JAZF1: variants seen among roughly 807,000 people sequenced by gnomAD.
The protein encoded by JAZF1 is JAZF zinc finger 1, also known as juxtaposed with another zinc finger protein 1.
Under a neutral mutation model 26.4 loss-of-function variants are expected in JAZF1, and 8 were observed. The observed-to-expected ratio is 0.30, with a 90% CI of 0.18 to 0.55. JAZF1 has a LOEUF of 0.55. Among genes scored for constraint, JAZF1 ranks in the 20% least tolerant of loss-of-function variants. The pLI, the probability that JAZF1 is intolerant of heterozygous loss-of-function variation, is 0.94. For missense variants in JAZF1, 199 were observed against 322.0 expected (o/e 0.62, Z 2.92); for synonymous variants, 126 against 122.3 (o/e 1.03, Z -0.20).
chr7:27,850,057 C>T (rs1257237459), intron 3 of JAZF1, among the ~76,000 whole-genome samples: 3 of 152,118 alleles, frequency 2.0e-5, no homozygotes, highest in Admixed American at 1.3e-4. Context: ...ACCCAATATG[C>T]CACATTTTTC....
rs955905646 is a variant in JAZF1 at position 28,009,719 on chromosome 7, G to A, written c.116-17738C>T. 3.9e-5 allele frequency among the ~76,000 whole-genome samples: 6 copies of A among 152,208 alleles called. No homozygotes were observed. The East Asian group carries it at 1.2e-3, about 29-fold the overall frequency. ...AGGCTGGTCTCGATCTCCTGACCTC[G>A]TGATCTGCCTGCCTCAGCCTCCCAA... On this transcript the variant is annotated intron_variant, in intron 1 of 4. Transcript: ENST00000283928.
chr7:28,041,780 T>G (rs1375632847), intron 1 of JAZF1, among the ~76,000 whole-genome samples: 1 of 152,234 alleles, frequency 6.6e-6, no homozygotes, highest in African/African-American at 2.4e-5. Flanking sequence ...GATACTCATC[T>G]TGAGTATCTC....
At chr7:27,896,515 C>T (rs1784065950) in intron 2 of JAZF1, among the ~76,000 whole-genome samples, 1 of 152,202 alleles carries the variant, frequency 6.6e-6, no homozygotes, top group Admixed American at 6.5e-5. Context: ...ACACCTCCCG[C>T]ATCAATTATA....
chr7:27,862,206 A>G (rs1783395790), intron 3 of JAZF1, among the ~76,000 whole-genome samples: 1 of 152,214 alleles, frequency 6.6e-6, no homozygotes, highest in East Asian at 1.9e-4. Flanking sequence ...TTACTTTTTA[A>G]AAAATATTTT....
intron 3 of JAZF1, among the ~76,000 whole-genome samples, chr7:27,891,808 A>G (rs1214799180): frequency 6.6e-6 from 1 of 152,224 alleles, no homozygotes; most frequent in Non-Finnish European, 1.5e-5. Flanking sequence ...ACTCCAGCCT[A>G]GGTGATAGAG....
At position 28,118,932 on chromosome 7, in the gene JAZF1, A is replaced by G. The variant is rs564755829; in HGVS notation, c.115+61531T>C. Among the ~76,000 whole-genome samples the G allele has an allele frequency of 3.1e-3, 468 of 152,358 alleles. 1 individual carries two copies. Among genetic ancestry groups the G allele is most frequent in the Middle Eastern group, 0.017 (5 of 294 alleles). On this transcript the variant is annotated intron_variant, in intron 1 of 4. Transcript: ENST00000283928. ...ATATCTTACCAGATAAATAGCTATG[A>G]CAACAAAATACCCCTACATAATAAA...
intron 2 of JAZF1, among the ~76,000 whole-genome samples, chr7:27,924,285 C>T (rs1380535079): frequency 1.3e-5 from 2 of 152,280 alleles, no homozygotes; most frequent in African/African-American, 4.8e-5. Flanking sequence ...ACCATCTTGG[C>T]CAGGCTGCTC....
At chr7:27,920,969 A>G (rs1784520121) in intron 2 of JAZF1, among the ~76,000 whole-genome samples, 1 of 152,252 alleles carries the variant, frequency 6.6e-6, no homozygotes, top group South Asian at 2.1e-4. Flanking sequence ...TTAATGCACA[A>G]AAATATATTT....
intron 1 of JAZF1, among the ~76,000 whole-genome samples, chr7:28,085,848 C>G (rs979511378): frequency 6.6e-6 from 1 of 152,204 alleles, no homozygotes; most frequent in Non-Finnish European, 1.5e-5. Flanking sequence ...TACATTTTTA[C>G]AGAAATCCAG....
At chr7:28,049,380 G>A (rs539020451) in intron 1 of JAZF1, among the ~76,000 whole-genome samples, 5 of 151,988 alleles carry the variant, frequency 3.3e-5, no homozygotes, top group Admixed American at 6.6e-5. Flanking sequence ...CACCGCGCCC[G>A]GCCGGAAACC....
At chr7:27,897,833 G>A (rs1192754538) in intron 2 of JAZF1, among the ~76,000 whole-genome samples, 1 of 152,220 alleles carries the variant, frequency 6.6e-6, no homozygotes, top group Admixed American at 6.5e-5. Flanking sequence ...GCCTGCAGAA[G>A]GCGACTTGTC....
rs150371414 is a variant in JAZF1, at chr7:27,886,634, G to T, written c.385+8586C>A. Among the ~76,000 whole-genome samples the T allele has an allele frequency of 1.5e-3, 236 of 152,314 alleles. 1 individual carries two copies. The highest frequency in any genetic ancestry group is 5.3e-3 in the African/African-American group (221 of 41,576). On this transcript the variant is annotated intron_variant, in intron 3 of 4. Coordinates refer to ENST00000283928, the MANE Select transcript of JAZF1 (RefSeq NM_175061.4). The stretch of plus-strand genomic sequence containing the variant: ...TGTCTTATTAATCATCTGTGCTAAT[G>T]TAGCCCATGTGTGTATACATCATGT...
In JAZF1 at chr7:27,961,837, T is replaced by C. The variant is rs910575738; in HGVS notation, c.188+30072A>G. On this transcript the variant is annotated intron_variant, in intron 2 of 4. Coordinates refer to ENST00000283928, the MANE Select transcript of JAZF1 (RefSeq NM_175061.4). ...ACACCCATGCCATGGTATTTGAGAATCTAGGGATTCATGATGCTCTCCGGA... is the reference window on the plus strand; with the variant it reads ...ACACCCATGCCATGGTATTTGAGAACCTAGGGATTCATGATGCTCTCCGGA... Among the ~76,000 whole-genome samples, 19 of 152,314 alleles carry C rather than the reference T, an allele frequency of 1.2e-4. 1 individual carries two copies. The highest frequency in any genetic ancestry group is 1.0e-3 in the Admixed American group (16 of 15,298).
At chr7:27,896,986 G>A (rs990949867) in intron 2 of JAZF1, among the ~76,000 whole-genome samples, 1 of 152,200 alleles carries the variant, frequency 6.6e-6, no homozygotes, top group East Asian at 1.9e-4. Flanking sequence ...ATCTTCAGAT[G>A]CAAAACTGGT....
chr7:27,924,345 C>T (rs539536253), intron 2 of JAZF1, among the ~76,000 whole-genome samples: 1 of 152,228 alleles, frequency 6.6e-6, no homozygotes, highest in East Asian at 1.9e-4. Flanking sequence ...TAAAGTGCTG[C>T]GATTACAGGC....
At chr7:28,032,554 C>T (rs943321168) in intron 1 of JAZF1, among the ~76,000 whole-genome samples, 3 of 152,202 alleles carry the variant, frequency 2.0e-5, no homozygotes, top group East Asian at 1.9e-4. Context: ...GAGTGTCAAG[C>T]CCACTCCCTC....
intron 1 of JAZF1, among the ~76,000 whole-genome samples, chr7:28,002,999 C>T (rs1031060896): frequency 2.0e-5 from 3 of 152,068 alleles, no homozygotes; most frequent in Admixed American, 6.5e-5. Flanking sequence ...TTGGGTGAAG[C>T]TCTATACTAC....
At chr7:28,180,088 C>G (rs1186595206) in intron 1 of JAZF1, among the ~76,000 whole-genome samples, 1 of 146,192 alleles carries the variant, frequency 6.8e-6, no homozygotes, top group Non-Finnish European at 1.5e-5. Context: ...GCCCAGCTCC[C>G]GCCGCCCGCC....
chr7:28,010,698 C>T lies in JAZF1; in HGVS notation c.116-18717G>A, dbSNP rs533987949. Among the ~76,000 whole-genome samples the T allele has an allele frequency of 4.6e-5, 7 of 152,294 alleles. No homozygotes were observed. In the East Asian group the frequency reaches 1.3e-3, roughly 29 times the overall value. On this transcript the variant is annotated intron_variant, in intron 1 of 4. Coordinates refer to ENST00000283928, the MANE Select transcript of JAZF1 (RefSeq NM_175061.4). ...GATTACATTTTAAAGTGCTTTGTTC[C>T]CAACAGACTCAGCTTCTCCAAAAGC... is the stretch of plus-strand genomic sequence containing the variant.
Sources: allele counts gnomAD v4.1 joint callset (sites outside exome capture counted in the v4.1 genomes callset), GRCh38; gene constraint gnomAD v4.1.1; transcripts MANE v1.5; gene names NCBI Gene and HGNC (gene_info 2026-07-23, HGNC 2026-07-21).